Variants in EFNA5 observed in about 807,000 individuals in gnomAD.
EFNA5 encodes ephrin A5, also known as ephrin-A5.
Under a neutral mutation model 22.9 loss-of-function variants are expected in EFNA5, and 5 were observed. The observed-to-expected ratio is 0.22, with a 90% confidence interval of 0.11 to 0.46. The LOEUF is 0.46. Among genes scored for constraint, EFNA5 ranks in the 20% least tolerant of loss-of-function variants. The pLI is 0.99. For missense variants in EFNA5, 237 were observed against 293.3 expected (o/e 0.81, Z 1.40); for synonymous variants, 113 against 112.2 (o/e 1.01, Z -0.04).
At chr5:107,412,627 A>G (rs184820928) in intron 2 of EFNA5, among the ~76,000 whole-genome samples, 1 of 152,324 alleles carries the variant, frequency 6.6e-6, no homozygotes, top group Admixed American at 6.5e-5. Context: ...AAAACCTGCC[A>G]ACAGACAGGC....
intron 1 of EFNA5, among the ~76,000 whole-genome samples, chr5:107,476,023 A>C (rs952323980): frequency 2.2e-5 from 1 of 46,172 alleles, no homozygotes; most frequent in Non-Finnish European, 3.8e-5. Flanking sequence ...GGAAGATACC[A>C]AGGTGGCTTG....
chr5:107,591,820 C>CA (rs202084347), intron 1 of EFNA5, among the ~76,000 whole-genome samples: 1 of 78,080 alleles, frequency 1.3e-5, no homozygotes, highest in Non-Finnish European at 2.4e-5. Context: ...GACTCCGTCT[C>CA]AAAAAAATAT....
chr5:107,457,881 T>C (rs1478803574), intron 1 of EFNA5, among the ~76,000 whole-genome samples: 2 of 152,180 alleles, frequency 1.3e-5, no homozygotes, highest in African/African-American at 4.8e-5. Context: ...ACTTCACATA[T>C]GTTAATTCGT....
rs137914148 is a variant in EFNA5 at position 107,518,775 on chromosome 5, G to A, written c.126-91266C>T. ...ACAACGTATGGCAATGTTTTCATTA[G>A]GCATGGCTGAAAGGCAAAAACCACA... is the stretch of plus-strand genomic sequence containing the variant. On this transcript the variant is annotated intron_variant, in intron 1 of 4. Transcript: ENST00000333274. Among the ~76,000 whole-genome samples the A allele has an allele frequency of 2.4e-3, 363 of 152,244 alleles. 1 individual carries two copies. Among genetic ancestry groups the A allele is most frequent in the Non-Finnish European group, 4.3e-3 (290 of 68,020 alleles).
chr5:107,555,114 G>C (rs1748380856), intron 1 of EFNA5, among the ~76,000 whole-genome samples: 1 of 152,200 alleles, frequency 6.6e-6, no homozygotes, highest in Non-Finnish European at 1.5e-5. Context: ...ATCCTGCAGA[G>C]ACAGATGTAG....
intron 2 of EFNA5, among the ~76,000 whole-genome samples, chr5:107,404,312 G>A (rs1329793477): frequency 6.6e-6 from 1 of 152,070 alleles, no homozygotes; most frequent in Non-Finnish European, 1.5e-5. Flanking sequence ...TTTGTTTTAG[G>A]ATTCTTTTCA....
chr5:107,483,311 G>A (rs2112403197), intron 1 of EFNA5, among the ~76,000 whole-genome samples: 1 of 152,190 alleles, frequency 6.6e-6, no homozygotes, highest in Non-Finnish European at 1.5e-5. Context: ...CCTCTTTGTT[G>A]TCATGGAATC....
intron 1 of EFNA5, among the ~76,000 whole-genome samples, chr5:107,513,593 C>G (rs141694556): frequency 6.6e-6 from 1 of 152,120 alleles, no homozygotes; most frequent in African/African-American, 2.4e-5. Flanking sequence ...AAATAGGACA[C>G]CGACACCCCA....
At chr5:107,572,532 A>G (rs1463081533) in intron 1 of EFNA5, among the ~76,000 whole-genome samples, 1 of 152,214 alleles carries the variant, frequency 6.6e-6, no homozygotes, top group Non-Finnish European at 1.5e-5. Context: ...ATTCACAGAT[A>G]CAGTGCTTGA....
intron 1 of EFNA5, among the ~76,000 whole-genome samples, chr5:107,462,717 C>T (rs915714413): frequency 6.6e-6 from 1 of 152,156 alleles, no homozygotes; most frequent in African/African-American, 2.4e-5. Context: ...ACTCAGAATG[C>T]CTGTTCCCCA....
At chr5:107,387,829 C>A in intron 2 of EFNA5, 58 bp from the exon 3 acceptor site, 1 of 1,197,070 alleles carries the variant, frequency 8.4e-7, no homozygotes, top group South Asian at 1.3e-5. Context: ...ACATATTACT[C>A]TTCATTTTCA....
intron 2 of EFNA5, among the ~76,000 whole-genome samples, chr5:107,391,079 A>T (rs1216605010): frequency 6.6e-6 from 1 of 152,220 alleles, no homozygotes; most frequent in Non-Finnish European, 1.5e-5. Context: ...GAATTGCTTG[A>T]GCCCAGGAGG....
At chr5:107,645,821 T>C (rs1750624513) in intron 1 of EFNA5, among the ~76,000 whole-genome samples, 2 of 152,256 alleles carry the variant, frequency 1.3e-5, no homozygotes, top group Admixed American at 1.3e-4. Flanking sequence ...TATTATTGTT[T>C]TCTCCAGATA....
In EFNA5 at chr5:107,405,248, G is replaced by C. The variant is rs373389659; in HGVS notation, c.419-17477C>G. On this transcript the variant is annotated intron_variant, in intron 2 of 4. Coordinates refer to ENST00000333274, the MANE Select transcript of EFNA5 (RefSeq NM_001962.3). ...CCACTCCTGTGATGCCTCAGCCCTG[G>C]CCGGAAAGAGAAGCAAACTAGCTGA... 3.5e-4 allele frequency among the ~76,000 whole-genome samples: 54 copies of C among 152,310 alleles called. 1 individual carries two copies. Among genetic ancestry groups the C allele is most frequent in the African/African-American group, 1.3e-3 (53 of 41,578 alleles).
chr5:107,638,520 T>C lies in EFNA5; in HGVS notation c.125+31969A>G, dbSNP rs149962489. On this transcript the variant is annotated intron_variant, in intron 1 of 4. Coordinates refer to ENST00000333274, the MANE Select transcript of EFNA5 (RefSeq NM_001962.3). ...AAACAGGCATGGATCAAAAATATTT[T>C]TAAAAAAGTAAGATATAACAATACA... is the stretch of plus-strand genomic sequence containing the variant. Among the ~76,000 whole-genome samples the C allele has an allele frequency of 4.6e-3, 694 of 152,228 alleles. 8 individuals carry two copies. Among genetic ancestry groups the C allele is most frequent in the African/African-American group, 0.016 (660 of 41,538 alleles).
chr5:107,630,903 A>G (rs1456062428), intron 1 of EFNA5, among the ~76,000 whole-genome samples: 7 of 152,086 alleles, frequency 4.6e-5, no homozygotes, highest in Non-Finnish European at 1.5e-5. Context: ...ATAAACTCAC[A>G]TATCAGCCTA....
At chr5:107,496,930 A>G (rs1747002438) in intron 1 of EFNA5, among the ~76,000 whole-genome samples, 1 of 152,244 alleles carries the variant, frequency 6.6e-6, no homozygotes, top group South Asian at 2.1e-4. Context: ...ATATCCATTT[A>G]GAGTCTTGGC....
At chr5:107,485,190 G>A (rs1478059191) in intron 1 of EFNA5, among the ~76,000 whole-genome samples, 2 of 152,068 alleles carry the variant, frequency 1.3e-5, no homozygotes, top group African/African-American at 4.8e-5. Flanking sequence ...CTCAACTTTT[G>A]TCTGCACTAG....
intron 1 of EFNA5, among the ~76,000 whole-genome samples, chr5:107,451,813 T>C (rs1355927169): frequency 6.6e-6 from 1 of 152,182 alleles, no homozygotes; most frequent in Non-Finnish European, 1.5e-5. Context: ...GAAGACAGTA[T>C]GGCGATTCCT....
Sources: gnomAD v4.1 joint callset for allele counts (sites outside exome capture counted in the v4.1 genomes callset) on GRCh38, gnomAD v4.1.1 for gene constraint, MANE v1.5 for transcripts, NCBI Gene and HGNC (gene_info 2026-07-23, HGNC 2026-07-21) for gene names.